The following BRINP2 variants were observed in gnomAD, a reference collection of about 807,000 sequenced individuals.
BRINP2 encodes BMP/retinoic acid-inducible neural-specific protein 2.
Under a neutral mutation model 69.2 loss-of-function variants are expected in BRINP2, and 21 were observed. The ratio of observed to expected loss-of-function variants is 0.30; its 90% CI spans 0.22 to 0.44. The LOEUF (loss-of-function observed/expected upper bound fraction) is 0.44. Among genes scored for constraint, BRINP2 ranks in the 20% least tolerant of loss-of-function variants. BRINP2 has a pLI of 1.00. For synonymous variants in BRINP2, 380 were observed against 394.1 expected (o/e 0.96, Z 0.42); for missense variants, 877 against 986.0 (o/e 0.89, Z 1.48).
In BRINP2 at chr1:177,278,790, G is replaced by T; in HGVS notation, c.1235+5G>T. The stretch of plus-strand genomic sequence containing the variant: ...CTTCCGCCTGCCCAAGGAGAGGTGA[G>T]CACCCCCTGGCTGCTACAGCCAGAG... On this transcript the variant is annotated splice_donor_5th_base_variant and intron_variant, in intron 7 of 7. Coordinates refer to ENST00000361539, the MANE Select transcript of BRINP2 (RefSeq NM_021165.4). 6.2e-7 allele frequency: 1 copy of T among 1,613,442 alleles called. No individual in the cohort carries two copies. Among genetic ancestry groups the T allele is most frequent in the Admixed American group, 1.7e-5 (1 of 60,026 alleles).
chr1:177,215,453 A>G (rs1479909983), intron 1 of BRINP2, among the ~76,000 whole-genome samples: 1 of 152,260 alleles, frequency 6.6e-6, no homozygotes, highest in East Asian at 1.9e-4. Context: ...TTTTATAGCC[A>G]TTGTAAATGA....
In BRINP2 at chr1:177,233,457, C is replaced by T. The variant is rs1367824473; in HGVS notation, c.269+3312C>T. On this transcript the variant is annotated intron_variant, in intron 2 of 7. Coordinates refer to ENST00000361539, the MANE Select transcript of BRINP2 (RefSeq NM_021165.4). ...TAGGATAGTGCTTAATAAATACTGC[C>T]GATTTTTATTAGGTTGTTCTCTAAA... Among the ~76,000 whole-genome samples, 4 of 152,028 alleles carry T rather than the reference C, an allele frequency of 2.6e-5. No homozygotes were observed. The East Asian group carries it at 5.8e-4, about 22-fold the overall frequency.
intron 7 of BRINP2, 47 bp downstream of exon 7, chr1:177,278,832 A>G (rs1445064202): frequency 6.3e-7 from 1 of 1,581,368 alleles, no homozygotes; most frequent in Middle Eastern, 2.1e-4. Context: ...ACCTCCCCTG[A>G]CAGCTGCTGA....
rs984933390 is a variant in BRINP2 at position 177,185,602 on chromosome 1, G to A, written c.-77+13870G>A. ...TTTATTGAGCATTTAATATTTATCAGGCACTAGTCTATGTTTTTAATATGT... is the reference window on the plus strand; with the variant it reads ...TTTATTGAGCATTTAATATTTATCAAGCACTAGTCTATGTTTTTAATATGT... On this transcript the variant is annotated intron_variant, in intron 1 of 7. Transcript: ENST00000361539. Among the ~76,000 whole-genome samples the A allele has an allele frequency of 2.0e-5, 3 of 152,138 alleles. No homozygotes were observed. In the East Asian group the frequency reaches 5.8e-4, roughly 29 times the overall value.
At chr1:177,220,188 C>G (rs945094243) in intron 1 of BRINP2, among the ~76,000 whole-genome samples, 2 of 152,192 alleles carry the variant, frequency 1.3e-5, no homozygotes, top group Non-Finnish European at 2.9e-5. Flanking sequence ...GGGGGCCTAT[C>G]TATCTACAGC....
At chr1:177,249,504 G>A (rs1016983085) in intron 2 of BRINP2, among the ~76,000 whole-genome samples, 2 of 152,158 alleles carry the variant, frequency 1.3e-5, no homozygotes, top group Admixed American at 6.5e-5. Flanking sequence ...TGTTAGAAAT[G>A]TTTGCTTTCT....
intron 2 of BRINP2, among the ~76,000 whole-genome samples, chr1:177,236,840 C>A (rs1283921841): frequency 6.6e-6 from 1 of 151,274 alleles, no homozygotes; most frequent in African/African-American, 2.4e-5. Flanking sequence ...TTCTTCCCCA[C>A]TGGTTATTTA....
chr1:177,192,834 G>A (rs1164829715), intron 1 of BRINP2, among the ~76,000 whole-genome samples: 3 of 152,170 alleles, frequency 2.0e-5, no homozygotes, highest in African/African-American at 4.8e-5. Context: ...AAATGAATAC[G>A]CAGTCAGGTA....
chr1:177,183,137 C>CTTTTTTTTTTTTTTTTTTTTTTTTTTTT (rs71129597), intron 1 of BRINP2, among the ~76,000 whole-genome samples: 3 of 54,302 alleles, frequency 5.5e-5, no homozygotes, highest in African/African-American at 7.4e-5. Context: ...AGTGTGTGAG[C>CTTTTTTTTTTTTTTTTTTTTTTTTTTTT]TTTTTTTTTT....
Position 177,281,284 on chromosome 1 carries a change from A to T in BRINP2, c.2108A>T (p.Gln703Leu). The T allele has an allele frequency of 6.2e-7, 1 of 1,614,164 alleles. No individual in the cohort carries two copies. The highest frequency in any genetic ancestry group is 8.5e-7 in the Non-Finnish European group (1 of 1,180,028). The stretch of plus-strand genomic sequence containing the variant: ...GATGCTATCCGGGACTTAATTCTCC[A>T]GTTGGACTACCCATATACTCAAGGT... ...DPDAIRDLIL[Q>L]LDYPYTQGSQ... Residue 703 changes from glutamine to leucine, a missense_variant, in exon 8 of 8, where the codon CAG (glutamine) becomes CTG (leucine). Gln to Leu is a moderately radical substitution (Grantham distance 113). This residue lies in a region of BRINP2 where 225 missense variants were observed against 218.7 expected (regional missense o/e 1.03). Coordinates refer to ENST00000361539, the MANE Select transcript of BRINP2 (RefSeq NM_021165.4).
At chr1:177,273,616 T>C in intron 5 of BRINP2, 23 bp downstream of exon 5, 1 of 1,438,392 alleles carries the variant, frequency 7.0e-7, no homozygotes, top group Non-Finnish European at 9.4e-7. Context: ...ATGATGGTTT[T>C]CATACCTTTC....
intron 1 of BRINP2, among the ~76,000 whole-genome samples, chr1:177,176,661 T>G (rs1383289139): frequency 6.6e-6 from 1 of 151,516 alleles, no homozygotes; most frequent in African/African-American, 2.4e-5. Flanking sequence ...AGAAAGAACA[T>G]GGAGGGAGGG....
chr1:177,279,665 A>G (rs1486988967), intron 7 of BRINP2, among the ~76,000 whole-genome samples: 1 of 152,242 alleles, frequency 6.6e-6, no homozygotes, highest in Non-Finnish European at 1.5e-5. Flanking sequence ...TTCTTTCAAC[A>G]AATAATGATT....
At chr1:177,203,038 T>A (rs1648968372) in intron 1 of BRINP2, among the ~76,000 whole-genome samples, 1 of 152,124 alleles carries the variant, frequency 6.6e-6, no homozygotes, top group Admixed American at 6.5e-5. Flanking sequence ...GTATGTTTAT[T>A]GTGGCACTAT....
At chr1:177,231,390 G>A (rs577935547) in intron 2 of BRINP2, among the ~76,000 whole-genome samples, 16 of 152,262 alleles carry the variant, frequency 1.1e-4, no homozygotes, top group Non-Finnish European at 2.1e-4. Context: ...TTTAACATCT[G>A]CAGTAACGAG....
intron 1 of BRINP2, among the ~76,000 whole-genome samples, chr1:177,214,716 T>A (rs140675313): frequency 4.5e-4 from 69 of 152,330 alleles, no homozygotes; most frequent in African/African-American, 1.6e-3. Context: ...AACTCTTACA[T>A]GGGGCTGATT....
chr1:177,247,922 A>C (rs1256411670), intron 2 of BRINP2, among the ~76,000 whole-genome samples: 1 of 152,200 alleles, frequency 6.6e-6, no homozygotes, highest in Non-Finnish European at 1.5e-5. Context: ...CACTGACACC[A>C]GGATAGGTTG....
chr1:177,246,935 C>T (rs1282856898), intron 2 of BRINP2, among the ~76,000 whole-genome samples: 1 of 152,152 alleles, frequency 6.6e-6, no homozygotes, highest in Non-Finnish European at 1.5e-5. Flanking sequence ...TGTATTGGAG[C>T]CAAAGTATGA....
chr1:177,229,003 A>G (rs1443012462), intron 1 of BRINP2, among the ~76,000 whole-genome samples: 1 of 152,200 alleles, frequency 6.6e-6, no homozygotes, highest in Non-Finnish European at 1.5e-5. Flanking sequence ...AGAAAGATAC[A>G]GCAGTTATTG....
Sources: allele counts gnomAD v4.1 joint callset (sites outside exome capture counted in the v4.1 genomes callset), GRCh38; gene constraint gnomAD v4.1.1; regional missense constraint gnomAD v4.1.1; transcripts MANE v1.5; gene names NCBI Gene and HGNC (gene_info 2026-07-23, HGNC 2026-07-21).